KDM2A: variants seen among roughly 807,000 people sequenced by gnomAD.
KDM2A encodes the protein lysine-specific demethylase 2A.
Under a neutral mutation model 137.3 loss-of-function variants are expected in KDM2A, and 3 were observed. The ratio of observed to expected loss-of-function variants is 0.02; its 90% confidence interval spans 0.01 to 0.06. KDM2A has a LOEUF of 0.06. Among genes scored for constraint, KDM2A ranks in the 10% least tolerant of loss-of-function variants. The pLI is 1.00. For missense variants in KDM2A, 738 were observed against 1,510.6 expected, an observed-to-expected ratio of 0.49 and a Z score of 8.48; for synonymous variants, 512 against 541.5, an observed-to-expected ratio of 0.95 and a Z score of 0.76.
At chr11:67,249,835 A>G (rs1859354013) in intron 16 of KDM2A, among the ~76,000 whole-genome samples, 1 of 152,210 alleles carries the variant, frequency 6.6e-6, no homozygotes, top group Non-Finnish European at 1.5e-5. Flanking sequence ...TCAGAGACGC[A>G]ATTAAAAATG....
Position 67,144,541 on chromosome 11 carries a change from C to T in KDM2A, c.42+23183C>T, listed in dbSNP as rs548276584. Among the ~76,000 whole-genome samples, 36 of 151,734 alleles carry T rather than the reference C, an allele frequency of 2.4e-4. No homozygotes were observed. In the South Asian group the frequency reaches 5.8e-3, roughly 25 times the overall value. ...TGCTGGGATTACAGGTGTGAGCCAC[C>T]GTGCCCGGCCCCAACATTTTTTTTA... On this transcript the variant is annotated intron_variant, in intron 2 of 20. Coordinates refer to ENST00000529006, the MANE Select transcript of KDM2A (RefSeq NM_012308.3).
At chr11:67,248,787 T>C in intron 16 of KDM2A, among the ~76,000 whole-genome samples, 1 of 152,236 alleles carries the variant, frequency 6.6e-6, no homozygotes, top group African/African-American at 2.4e-5. Flanking sequence ...TTCACATTTT[T>C]GTCATCTTCA....
chr11:67,175,306 G>A (rs953460459), intron 2 of KDM2A, among the ~76,000 whole-genome samples: 14 of 152,182 alleles, frequency 9.2e-5, no homozygotes, highest in African/African-American at 3.4e-4. Context: ...GCTCACACCT[G>A]TAATCCCAGC....
intron 5 of KDM2A, among the ~76,000 whole-genome samples, chr11:67,203,498 TTATATAA>T (rs1329131575): frequency 1.2e-4 from 17 of 147,564 alleles, no homozygotes; most frequent in African/African-American, 2.0e-4. Context: ...TAATATATTT[TTATATAA>T]TATATAATAT....
intron 2 of KDM2A, among the ~76,000 whole-genome samples, chr11:67,156,467 C>T (rs1004375987): frequency 6.6e-6 from 1 of 151,808 alleles, no homozygotes; most frequent in African/African-American, 2.4e-5. Flanking sequence ...GGCTGTAATC[C>T]CAGCACTTTG....
At chr11:67,121,631 A>G (rs1010724915) in intron 2 of KDM2A, among the ~76,000 whole-genome samples, 5 of 152,216 alleles carry the variant, frequency 3.3e-5, no homozygotes, top group African/African-American at 1.2e-4. Context: ...GTGGATTACA[A>G]TGTGACAAAG....
intron 2 of KDM2A, among the ~76,000 whole-genome samples, chr11:67,168,610 C>G (rs1041184812): frequency 2.0e-4 from 21 of 106,656 alleles, no homozygotes; most frequent in Admixed American, 1.3e-3. Context: ...CACACACACA[C>G]ACACACACAC....
intron 2 of KDM2A, among the ~76,000 whole-genome samples, chr11:67,175,422 A>G (rs1275138213): frequency 2.0e-5 from 3 of 151,912 alleles, no homozygotes; most frequent in Non-Finnish European, 2.9e-5. Flanking sequence ...GATGACAGAG[A>G]CTCTGTCTCC....
chr11:67,253,683 GA>G lies in KDM2A; in HGVS notation c.3091+74del, dbSNP rs1859510248. ...GTCTTCCAAACAGACCTCGTCTTCA[GA>G]AGCTAAGGTAGTCTCAGATATGACG... On this transcript the variant is annotated intron_variant, in intron 19 of 20. Coordinates refer to ENST00000529006, the MANE Select transcript of KDM2A (RefSeq NM_012308.3). 3 of 1,501,264 alleles carry G rather than the reference GA, an allele frequency of 2.0e-6. No homozygotes were observed. In the South Asian group the frequency reaches 3.5e-5, roughly 18 times the overall value. The allele number at this position is 1,501,264 out of a possible 1,614,324, so 93.0% of individuals were successfully genotyped here.
At chr11:67,207,280 AACTG>A (rs1280104900) in intron 5 of KDM2A, among the ~76,000 whole-genome samples, 3 of 152,224 alleles carry the variant, frequency 2.0e-5, no homozygotes, top group Non-Finnish European at 4.4e-5. Context: ...AAGAGTCAAC[AACTG>A]ACTGTATAGT....
In KDM2A at chr11:67,231,892, C is replaced by T; in HGVS notation, c.1411C>T (p.Leu471=). The change falls in exon 12 of 21, where the codon CTG becomes TTG. Residue 471 remains leucine (L), a synonymous_variant. Transcript: ENST00000529006. The part of the protein sequence containing the change: ...LRCLVDKLES[L]PLHKKCVPTG... ...CTGCCTTGTAGATAAGTTGGAGTCT[C>T]TGCCACTGCACAAGAAATGTGTCCC... The T allele has an allele frequency of 1.2e-6, 2 of 1,614,046 alleles. No individual in the cohort carries two copies. Among genetic ancestry groups the T allele is most frequent in the Non-Finnish European group, 1.7e-6 (2 of 1,179,904 alleles).
At chr11:67,186,636 T>C (rs1056700659) in intron 5 of KDM2A, among the ~76,000 whole-genome samples, 1 of 152,216 alleles carries the variant, frequency 6.6e-6, no homozygotes, top group Non-Finnish European at 1.5e-5. Flanking sequence ...GGCTTTTAAC[T>C]CCTTTTTGTT....
rs181615226 is a variant in KDM2A, at chr11:67,139,544, C to G, written c.42+18186C>G. Among the ~76,000 whole-genome samples, 7 of 152,154 alleles carry G rather than the reference C, an allele frequency of 4.6e-5. 2 individuals carry two copies. The highest frequency in any genetic ancestry group is 1.7e-4 in the African/African-American group (7 of 41,516). On this transcript the variant is annotated intron_variant, in intron 2 of 20. Coordinates refer to ENST00000529006, the MANE Select transcript of KDM2A (RefSeq NM_012308.3). ...ACAGGCGTGAGCCACTGCACCCAGCCTCTTTTTGTTTTTTAGAGATGGATC... is the reference window on the plus strand; with the variant it reads ...ACAGGCGTGAGCCACTGCACCCAGCGTCTTTTTGTTTTTTAGAGATGGATC...
At chr11:67,128,744 A>G (rs1855786381) in intron 2 of KDM2A, among the ~76,000 whole-genome samples, 1 of 152,162 alleles carries the variant, frequency 6.6e-6, no homozygotes, top group East Asian at 1.9e-4. Flanking sequence ...ATAGCTTTCC[A>G]CTAGAGTATA....
intron 5 of KDM2A, among the ~76,000 whole-genome samples, chr11:67,192,304 C>A (rs944571027): frequency 1.3e-5 from 2 of 151,994 alleles, no homozygotes. Flanking sequence ...TCATAGTGTA[C>A]AAATCATTCT....
chr11:67,137,260 A>G (rs1016376264), intron 2 of KDM2A, among the ~76,000 whole-genome samples: 1 of 152,250 alleles, frequency 6.6e-6, no homozygotes, highest in African/African-American at 2.4e-5. Flanking sequence ...CAAATAGGGC[A>G]TTATCCTGAA....
intron 6 of KDM2A, among the ~76,000 whole-genome samples, chr11:67,208,212 T>A (rs1044162005): frequency 3.3e-5 from 5 of 151,398 alleles, no homozygotes; most frequent in African/African-American, 4.8e-5. Flanking sequence ...TAATAAATTT[T>A]AAAATTTTAA....
chr11:67,237,435 T>A (rs1319827427), intron 12 of KDM2A, among the ~76,000 whole-genome samples: 7 of 150,636 alleles, frequency 4.6e-5, no homozygotes, highest in Non-Finnish European at 8.8e-5. Context: ...TGTTTTTAAA[T>A]TTTTCTTTAT....
At chr11:67,215,686 A>G in intron 7 of KDM2A, 170 bp from the exon 8 acceptor site, 2 of 671,350 alleles carry the variant, frequency 3.0e-6, no homozygotes, top group South Asian at 3.8e-5. Context: ...AAAAAAAAAA[A>G]CCTTTTTCTG....
Sources: allele counts gnomAD v4.1 joint callset (sites outside exome capture counted in the v4.1 genomes callset), GRCh38; gene constraint gnomAD v4.1.1; transcripts MANE v1.5; gene names NCBI Gene and HGNC (gene_info 2026-07-23, HGNC 2026-07-21).